The following FGF14 variants were observed in gnomAD, a reference collection of about 807,000 sequenced individuals.
FGF14 encodes fibroblast growth factor homologous factor 4.
A neutral mutation model predicts 25.5 loss-of-function variants in FGF14; 5 were observed. That is an observed-to-expected ratio of 0.20 (90% CI 0.10 to 0.41). The LOEUF (loss-of-function observed/expected upper bound fraction) is 0.41, where lower values mean the gene tolerates loss of function less well. Ranked by LOEUF, FGF14 falls within the 10% of genes least tolerant of loss-of-function variation. The probability of loss-of-function intolerance (pLI) is 1.00; values close to 1 mark genes in which losing one functional copy is unlikely to be tolerated. For synonymous variants in FGF14, 138 were observed against 118.3 expected, an observed-to-expected ratio of 1.17 and a Z score of -1.08; for missense variants, 222 against 320.1, an observed-to-expected ratio of 0.69 and a Z score of 2.34.
At chr13:102,159,189 T>A (rs1004851440) in intron 1 of FGF14, among the ~76,000 whole-genome samples, 1 of 151,540 alleles carries the variant, frequency 6.6e-6, no homozygotes. Flanking sequence ...GGGTTCACCT[T>A]CTGTTTTTAC....
chr13:101,790,069 T>C (rs1433136693), intron 3 of FGF14, among the ~76,000 whole-genome samples: 10 of 151,856 alleles, frequency 6.6e-5, no homozygotes, highest in Admixed American at 3.9e-4. Context: ...ATCTCTATCA[T>C]CAAATCTTAT....
At chr13:102,200,124 T>C (rs1206297589) in intron 1 of FGF14, among the ~76,000 whole-genome samples, 2 of 152,290 alleles carry the variant, frequency 1.3e-5, no homozygotes, top group East Asian at 3.9e-4. Context: ...AGGGATTAAA[T>C]GAAATTGTGA....
At chr13:102,186,164 G>C (rs1267805003) in intron 1 of FGF14, among the ~76,000 whole-genome samples, 7 of 152,010 alleles carry the variant, frequency 4.6e-5, no homozygotes, top group Non-Finnish European at 5.9e-5. Flanking sequence ...AAAACAGAAA[G>C]CAGCTACTCT....
intron 1 of FGF14, among the ~76,000 whole-genome samples, chr13:102,222,826 A>G (rs2050673988): frequency 6.6e-6 from 1 of 152,168 alleles, no homozygotes; most frequent in African/African-American, 2.4e-5. Context: ...AGCATCAGAA[A>G]TGAACATAGT....
chr13:102,249,522 A>G (rs1039896723), intron 1 of FGF14, among the ~76,000 whole-genome samples: 1 of 151,684 alleles, frequency 6.6e-6, no homozygotes, highest in Non-Finnish European at 1.5e-5. Context: ...CCAACAGCTC[A>G]GAGAATTATG....
rs374670360 is a variant in FGF14, at chr13:102,119,334, G to A, written c.209-244038C>T. On this transcript the variant is annotated intron_variant, in intron 1 of 4. Coordinates refer to the FGF14 transcript ENST00000376131. Reference sequence around the variant, plus strand: ...CTGAGTCTTCCAAACAGACTATATCGTGGGGAGAGGGTAACTAGGGAGATT... The same window carrying A: ...CTGAGTCTTCCAAACAGACTATATCATGGGGAGAGGGTAACTAGGGAGATT... Among the ~76,000 whole-genome samples, 299 of 152,244 alleles carry A rather than the reference G, an allele frequency of 2.0e-3. 12 individuals are homozygous for A. The South Asian group carries it at 0.058, about 30-fold the overall frequency.
At chr13:101,806,053 G>T (rs1408170853) in intron 3 of FGF14, among the ~76,000 whole-genome samples, 1 of 151,838 alleles carries the variant, frequency 6.6e-6, no homozygotes, top group African/African-American at 2.4e-5. Flanking sequence ...ATATGTATAT[G>T]AAAATATATA....
rs60149871 is a variant in FGF14, at chr13:102,201,102, CAAAAAAAAAAAAAAAAAAAAA to C, written c.208+200348_208+200368del. Among the ~76,000 whole-genome samples, 7 of 62,722 alleles carry C rather than the reference CAAAAAAAAAAAAAAAAAAAAA, an allele frequency of 1.1e-4. No homozygotes were observed. The Admixed American group carries it at 1.3e-3, about 11-fold the overall frequency. The allele number at this position is 62,722 out of a possible 152,430, so 41.1% of individuals were successfully genotyped here. A position where few individuals can be genotyped will look rare whatever the true frequency, so the allele number is the denominator to read the frequency against. ...GGCGACAGAGCGAGACTCCGTCTCT[CAAAAAAAAAAAAAAAAAAAAA>C]AAAAAAAAAAAAGACTAATGTCTTC... On this transcript the variant is annotated intron_variant, in intron 1 of 4. Transcript: ENST00000376131.
intron 1 of FGF14, among the ~76,000 whole-genome samples, chr13:102,215,620 C>T (rs1158137699): frequency 6.6e-6 from 1 of 152,164 alleles, no homozygotes; most frequent in African/African-American, 2.4e-5. Flanking sequence ...ACCTTTATGT[C>T]AGATCTGAGC....
At chr13:102,391,280 C>T (rs891707145) in intron 1 of FGF14, among the ~76,000 whole-genome samples, 1 of 152,142 alleles carries the variant, frequency 6.6e-6, no homozygotes. Flanking sequence ...AAAGGGCAAG[C>T]GGTCTGACAA....
chr13:102,033,215 A>G (rs1222260546), intron 1 of FGF14, among the ~76,000 whole-genome samples: 1 of 152,118 alleles, frequency 6.6e-6, no homozygotes, highest in Non-Finnish European at 1.5e-5. Flanking sequence ...AACATTTTGA[A>G]TCCCATCTTA....
At chr13:102,158,583 A>G (rs940351083) in intron 1 of FGF14, among the ~76,000 whole-genome samples, 3 of 152,028 alleles carry the variant, frequency 2.0e-5, no homozygotes, top group African/African-American at 4.8e-5. Context: ...TGATGAGTTA[A>G]TGGGTGCAGC....
chr13:101,816,414 T>C (rs1399434335), intron 3 of FGF14, among the ~76,000 whole-genome samples: 1 of 152,120 alleles, frequency 6.6e-6, no homozygotes, highest in Non-Finnish European at 1.5e-5. Flanking sequence ...GATTAAAAAT[T>C]CACCTAAAAG....
intron 1 of FGF14, among the ~76,000 whole-genome samples, chr13:101,937,942 A>G (rs747588957): frequency 2.1e-4 from 32 of 152,270 alleles, no homozygotes; most frequent in South Asian, 4.1e-4. Flanking sequence ...TTTTCTTATG[A>G]CAGTCCTAGA....
chr13:101,907,674 T>C (rs1028123399), intron 1 of FGF14, among the ~76,000 whole-genome samples: 3 of 152,106 alleles, frequency 2.0e-5, no homozygotes, highest in South Asian at 2.1e-4. Flanking sequence ...ATTAATTCAA[T>C]AGCTAGAGAG....
At position 101,804,948 on chromosome 13, in the gene FGF14, C is replaced by T. The variant is rs182240266; in HGVS notation, c.408+63777G>A. ...TGATTCTACCTAAGATGCAAGCATACGGCATCATTGTGCCTTGTTGTATGG... is the reference window on the plus strand; with the variant it reads ...TGATTCTACCTAAGATGCAAGCATATGGCATCATTGTGCCTTGTTGTATGG... On this transcript the variant is annotated intron_variant, in intron 3 of 4. Coordinates refer to ENST00000376143, the MANE Select transcript of FGF14 (RefSeq NM_004115.4). Among the ~76,000 whole-genome samples the T allele has an allele frequency of 2.1e-3, 324 of 152,236 alleles. 1 individual carries two copies. The highest frequency in any genetic ancestry group is 7.4e-3 in the African/African-American group (306 of 41,538).
intron 1 of FGF14, among the ~76,000 whole-genome samples, chr13:102,079,706 T>C (rs1044098568): frequency 1.3e-5 from 2 of 152,180 alleles, no homozygotes; most frequent in African/African-American, 4.8e-5. Flanking sequence ...AAACCGACTC[T>C]GTACATCACA....
intron 1 of FGF14, among the ~76,000 whole-genome samples, chr13:102,200,858 A>T (rs184674723): frequency 5.7e-4 from 86 of 152,094 alleles, no homozygotes; most frequent in Middle Eastern, 3.4e-3. Context: ...ATCCCAGCAC[A>T]TTGGGAGGAC....
chr13:102,344,771 T>A (rs2057053943), intron 1 of FGF14, among the ~76,000 whole-genome samples: 1 of 152,224 alleles, frequency 6.6e-6, no homozygotes, highest in South Asian at 2.1e-4. Context: ...AGACTTAGAG[T>A]TTGACACAGA....
Sources: allele counts gnomAD v4.1 joint callset (sites outside exome capture counted in the v4.1 genomes callset), GRCh38; gene constraint gnomAD v4.1.1; transcripts MANE v1.5; gene names NCBI Gene and HGNC (gene_info 2026-07-23, HGNC 2026-07-21).